Variants in ZFPM2 observed in about 807,000 individuals in gnomAD.
The protein encoded by ZFPM2 is zinc finger protein ZFPM2.
In ZFPM2, 20 loss-of-function variants were observed where a neutral mutation model predicts 98.6. That is an observed-to-expected ratio of 0.20 (90% confidence interval 0.14 to 0.29). ZFPM2 has a LOEUF of 0.29. ZFPM2 is among the 10% of genes least tolerant of loss of function. The probability of loss-of-function intolerance (pLI) is 1.00; values close to 1 mark genes in which losing one functional copy is unlikely to be tolerated. For missense variants in ZFPM2, 1,310 were observed against 1,388.6 expected, an observed-to-expected ratio of 0.94 and a Z score of 0.90; for synonymous variants, 518 against 502.7, an observed-to-expected ratio of 1.03 and a Z score of -0.41.
intron 1 of ZFPM2, among the ~76,000 whole-genome samples, chr8:105,402,870 T>C (rs1811368669): frequency 1.3e-5 from 2 of 152,058 alleles, no homozygotes; most frequent in African/African-American, 4.8e-5. Flanking sequence ...ATGATGTAGT[T>C]TCTGAGAGCC....
intron 5 of ZFPM2, among the ~76,000 whole-genome samples, chr8:105,768,171 G>A (rs912982200): frequency 2.7e-5 from 4 of 146,744 alleles, no homozygotes; most frequent in Non-Finnish European, 6.0e-5. Context: ...TGTATTTATT[G>A]ATTTGTGCAT....
intron 5 of ZFPM2, among the ~76,000 whole-genome samples, chr8:105,742,495 G>T (rs1447255701): frequency 6.6e-6 from 1 of 151,768 alleles, no homozygotes; most frequent in Admixed American, 6.6e-5. Context: ...ATAAGAGAGG[G>T]TCGTGATTCC....
intron 4 of ZFPM2, among the ~76,000 whole-genome samples, chr8:105,584,386 A>G (rs2130749637): frequency 6.6e-6 from 1 of 152,282 alleles, no homozygotes; most frequent in East Asian, 1.9e-4. Context: ...TAAAGAAAAT[A>G]TATTACTTCC....
chr8:105,370,408 G>T (rs1221302046), intron 1 of ZFPM2, among the ~76,000 whole-genome samples: 1 of 152,198 alleles, frequency 6.6e-6, no homozygotes, highest in African/African-American at 2.4e-5. Flanking sequence ...CAGCCTAGAA[G>T]TGTTTAGTTA....
chr8:105,388,465 T>A (rs1181582127), intron 1 of ZFPM2, among the ~76,000 whole-genome samples: 1 of 152,136 alleles, frequency 6.6e-6, no homozygotes, highest in Non-Finnish European at 1.5e-5. Flanking sequence ...GTTGTTAGCA[T>A]GTGGGTGGGA....
At chr8:105,444,983 G>T (rs1215412585) in intron 3 of ZFPM2, among the ~76,000 whole-genome samples, 3 of 152,022 alleles carry the variant, frequency 2.0e-5, no homozygotes, top group Non-Finnish European at 2.9e-5. Context: ...AAAGAACTCT[G>T]CAGAAAAAAG....
In ZFPM2 at chr8:105,708,219, A is replaced by G. The variant is rs1271296484; in HGVS notation, c.532+73862A>G. 4.6e-5 allele frequency among the ~76,000 whole-genome samples: 7 copies of G among 152,316 alleles called. No homozygotes were observed. In the East Asian group the frequency reaches 1.3e-3, roughly 29 times the overall value. ...TGTCATCGACCTCCATATTCTTATA[A>G]TAATTGGAGAATCATCATATTACAT... On this transcript the variant is annotated intron_variant, in intron 5 of 7. Transcript: ENST00000407775.
intron 3 of ZFPM2, among the ~76,000 whole-genome samples, chr8:105,551,162 A>G (rs1452329971): frequency 6.6e-6 from 1 of 152,230 alleles, no homozygotes; most frequent in Non-Finnish European, 1.5e-5. Context: ...GTAAATAAAT[A>G]TATAGTATGT....
intron 4 of ZFPM2, among the ~76,000 whole-genome samples, chr8:105,606,446 G>A (rs1269302127): frequency 6.6e-6 from 1 of 151,996 alleles, no homozygotes; most frequent in Admixed American, 6.6e-5. Context: ...TCTGAATTCT[G>A]TCACTGCTGA....
chr8:105,554,372 A>G (rs1372419831), intron 3 of ZFPM2, among the ~76,000 whole-genome samples: 6 of 152,162 alleles, frequency 3.9e-5, no homozygotes, highest in Admixed American at 2.0e-4. Flanking sequence ...TGGTTAAACC[A>G]TAAAATAGCA....
At chr8:105,371,532 G>C (rs1447280909) in intron 1 of ZFPM2, among the ~76,000 whole-genome samples, 2 of 152,148 alleles carry the variant, frequency 1.3e-5, no homozygotes, top group East Asian at 3.9e-4. Flanking sequence ...TGTTATCTAA[G>C]GGCATAGATT....
At chr8:105,774,799 A>G (rs1372130203) in intron 5 of ZFPM2, among the ~76,000 whole-genome samples, 1 of 152,160 alleles carries the variant, frequency 6.6e-6, no homozygotes, top group Non-Finnish European at 1.5e-5. Context: ...GGTCAGCAGC[A>G]AAGGGGCAGA....
chr8:105,671,785 T>G (rs1473260322), intron 5 of ZFPM2, among the ~76,000 whole-genome samples: 2 of 152,156 alleles, frequency 1.3e-5, no homozygotes, highest in Non-Finnish European at 2.9e-5. Flanking sequence ...GACAATTTTC[T>G]AAGCATTTTA....
At chr8:105,547,793 T>C (rs1814746787) in intron 3 of ZFPM2, among the ~76,000 whole-genome samples, 1 of 152,112 alleles carries the variant, frequency 6.6e-6, no homozygotes, top group Admixed American at 6.6e-5. Flanking sequence ...TTGACAGATA[T>C]ACATAATTTC....
chr8:105,452,656 G>A (rs1223444538), intron 3 of ZFPM2, among the ~76,000 whole-genome samples: 1 of 152,000 alleles, frequency 6.6e-6, no homozygotes, highest in Non-Finnish European at 1.5e-5. Context: ...GGAGGCTGAG[G>A]CAGGAGGATT....
intron 3 of ZFPM2, among the ~76,000 whole-genome samples, chr8:105,547,741 A>G (rs1814745346): frequency 6.6e-6 from 1 of 152,182 alleles, no homozygotes; most frequent in Non-Finnish European, 1.5e-5. Context: ...ACAGATATAC[A>G]TAATTTCAAA....
At chr8:105,534,865 T>C (rs1275457613) in intron 3 of ZFPM2, among the ~76,000 whole-genome samples, 1 of 152,162 alleles carries the variant, frequency 6.6e-6, no homozygotes, top group Non-Finnish European at 1.5e-5. Flanking sequence ...GCTTTGGCTG[T>C]GGTGCGGAGA....
intron 2 of ZFPM2, among the ~76,000 whole-genome samples, chr8:105,436,706 C>T (rs1389749113): frequency 6.6e-6 from 1 of 152,102 alleles, no homozygotes; most frequent in Non-Finnish European, 1.5e-5. Context: ...CCTGGTTCTG[C>T]CACTTACTAG....
intron 1 of ZFPM2, among the ~76,000 whole-genome samples, chr8:105,324,094 T>A (rs1812074837): frequency 6.6e-6 from 1 of 151,810 alleles, no homozygotes; most frequent in Admixed American, 6.6e-5. Context: ...GTTGGTATTA[T>A]TAAGTTAGGA....
Sources: allele counts gnomAD v4.1 joint callset (sites outside exome capture counted in the v4.1 genomes callset), GRCh38; gene constraint gnomAD v4.1.1; transcripts MANE v1.5; gene names NCBI Gene and HGNC (gene_info 2026-07-23, HGNC 2026-07-21).